TTC34: variants seen among roughly 807,000 people sequenced by gnomAD.
TTC34 encodes the protein tetratricopeptide repeat domain 34.
Under a neutral mutation model 40.7 loss-of-function variants are expected in TTC34, and 44 were observed. The observed-to-expected ratio is 1.08, with a 90% CI of 0.85 to 1.39. The LOEUF (loss-of-function observed/expected upper bound fraction) is 1.39. TTC34 is among the 40% of genes most tolerant of loss of function. The pLI is 0.00. For synonymous variants in TTC34, 422 were observed against 398.6 expected (o/e 1.06, Z -0.70); for missense variants, 884 against 838.0 (o/e 1.05, Z -0.68).
chr1:2,753,109 C>CTGA (rs2100437514), intron 6 of TTC34, among the ~76,000 whole-genome samples: 122 of 108,332 alleles, frequency 1.1e-3, no homozygotes, highest in African/African-American at 2.5e-3. Flanking sequence ...AGGCGAGCAT[C>CTGA]CGACAGCCTG....
At chr1:2,686,000 C>T (rs1224468155) in intron 6 of TTC34, among the ~76,000 whole-genome samples, 3 of 120,118 alleles carry the variant, frequency 2.5e-5, no homozygotes, top group South Asian at 2.6e-4. Flanking sequence ...GCACCCACAC[C>T]CCCAGGTGAG....
rs1553171534 is a variant in TTC34, at chr1:2,792,033, T to TTTTTTTTTTTTTTTTA, written c.785-1688_785-1687insTAAAAAAAAAAAAAAA. On this transcript the variant is annotated intron_variant, in intron 2 of 8. Transcript: ENST00000401095. ...TTTTTTTTTTTTTTTTTTTTTTTTT[T>TTTTTTTTTTTTTTTTA]AAAGACAGGGTCTTGCTCCATCACC... 9.2e-4 allele frequency among the ~76,000 whole-genome samples: 99 copies of TTTTTTTTTTTTTTTTA among 107,160 alleles called. 13 individuals carry two copies. The highest frequency in any genetic ancestry group is 4.3e-3 in the East Asian group (15 of 3,478). 70.3% of individuals were successfully genotyped at this position (107,160 alleles called of 152,430 possible).
chr1:2,699,444 C>T (rs543373563), intron 6 of TTC34, among the ~76,000 whole-genome samples: 1 of 93,674 alleles, frequency 1.1e-5, no homozygotes, highest in Admixed American at 1.2e-4. Context: ...CCTGGAACAT[C>T]ACCCCGCACC....
At chr1:2,657,726 GGTCGGCACCCACACCCTC>G in intron 6 of TTC34, among the ~76,000 whole-genome samples, 1 of 51,502 alleles carries the variant, frequency 1.9e-5, no homozygotes, top group East Asian at 5.0e-4. Flanking sequence ...TGACAGCCTG[GGTCGGCACCCACACCCTC>G]AGGTGAGCAT....
chr1:2,672,349 AC>A (rs60817076), intron 6 of TTC34, among the ~76,000 whole-genome samples: 603 of 136,664 alleles, frequency 4.4e-3, no homozygotes, highest in Non-Finnish European at 6.8e-3. Flanking sequence ...AGCAGCACCC[AC>A]CACTCCCAGG....
intron 6 of TTC34, among the ~76,000 whole-genome samples, chr1:2,683,147 A>C (rs1444194941): frequency 7.8e-6 from 1 of 128,230 alleles, no homozygotes. Flanking sequence ...AACAGCACGC[A>C]CAGCCCCAGG....
intron 4 of TTC34, among the ~76,000 whole-genome samples, chr1:2,786,713 G>T (rs1017792936): frequency 6.6e-6 from 1 of 152,176 alleles, no homozygotes; most frequent in Non-Finnish European, 1.5e-5. Flanking sequence ...GCCCAGCACG[G>T]CCAAGTAGGA....
chr1:2,687,249 AG>A (rs1196185831), intron 6 of TTC34, among the ~76,000 whole-genome samples: 2 of 136,220 alleles, frequency 1.5e-5, no homozygotes, highest in Non-Finnish European at 3.1e-5. Flanking sequence ...CCACACCCCC[AG>A]GTGCGCATCT....
intron 6 of TTC34, among the ~76,000 whole-genome samples, chr1:2,651,760 T>G (rs1444123712): frequency 5.4e-5 from 8 of 149,460 alleles, no homozygotes; most frequent in Admixed American, 5.3e-4. Context: ...AACAGCACCC[T>G]CCACCCTCAG....
At chr1:2,801,490 G>T in intron 1 of TTC34, 87 bp downstream of exon 1, 1 of 152,660 alleles carries the variant, frequency 6.6e-6, no homozygotes, top group Non-Finnish European at 1.5e-5. Flanking sequence ...TACTTGACCT[G>T]ACGAACTAGC....
intron 6 of TTC34, among the ~76,000 whole-genome samples, chr1:2,684,979 C>A (rs1406265008): frequency 1.4e-5 from 2 of 143,436 alleles, no homozygotes; most frequent in East Asian, 2.0e-4. Context: ...CATCTGACAG[C>A]TTAGAACAGC....
intron 8 of TTC34, 140 bp downstream of exon 8, chr1:2,644,123 CT>C (rs1638969507): frequency 2.2e-6 from 2 of 889,592 alleles, no homozygotes; most frequent in Non-Finnish European, 3.4e-6. Flanking sequence ...AAGTGGGTGC[CT>C]CCCACCCCAC....
intron 2 of TTC34, among the ~76,000 whole-genome samples, chr1:2,792,844 A>T (rs1295310503): frequency 6.6e-6 from 1 of 152,218 alleles, no homozygotes. Flanking sequence ...TCTGCTGAAC[A>T]ATGACTCATA....
At chr1:2,683,795 C>G (rs1463133988) in intron 6 of TTC34, among the ~76,000 whole-genome samples, 1 of 151,272 alleles carries the variant, frequency 6.6e-6, no homozygotes, top group Admixed American at 6.6e-5. Context: ...CACGCACACC[C>G]CCAGTTGAGC....
At chr1:2,761,351 G>C (rs1459610487) in intron 6 of TTC34, among the ~76,000 whole-genome samples, 1 of 40,838 alleles carries the variant, frequency 2.4e-5, no homozygotes, top group Non-Finnish European at 4.1e-5. Flanking sequence ...ACAGCCTGGA[G>C]CAGCACCCAC....
At chr1:2,652,349 T>A (rs1245595572) in intron 6 of TTC34, among the ~76,000 whole-genome samples, 42 of 150,554 alleles carry the variant, frequency 2.8e-4, no homozygotes, top group South Asian at 4.2e-4. Context: ...TCTGATATCC[T>A]GGAACAGCAC....
Position 2,791,971 on chromosome 1 carries a change from A to G in TTC34, c.785-1625T>C, listed in dbSNP as rs1340862053. Among the ~76,000 whole-genome samples, 10 of 125,404 alleles carry G rather than the reference A, an allele frequency of 8.0e-5. No individual in the cohort carries two copies. In the Admixed American group the frequency reaches 8.1e-4, roughly 10 times the overall value. 82.3% of individuals were successfully genotyped at this position (125,404 alleles called of 152,430 possible). A position where few individuals can be genotyped will look rare whatever the true frequency, so the allele number is the denominator to read the frequency against. On this transcript the variant is annotated intron_variant, in intron 2 of 8. Coordinates refer to ENST00000401095, the Ensembl canonical transcript of TTC34. ...TACTGTCGCTAATATTTTCATTTCA[A>G]TTATTGCACTGTTCAACTCTAGACT...
Position 2,783,761 on chromosome 1 carries a change from C to A in TTC34, c.2074G>T (p.Glu692Ter). 6.6e-7 allele frequency: 1 copy of A among 1,515,032 alleles called. No individual in the cohort carries two copies. Among genetic ancestry groups the A allele is most frequent in the South Asian group, 1.3e-5 (1 of 78,614 alleles). The allele number at this position is 1,515,032 out of a possible 1,614,324, so 93.8% of individuals were successfully genotyped here. A position where few individuals can be genotyped will look rare whatever the true frequency, so the allele number is the denominator to read the frequency against. Residue 692 changes from glutamate to a stop codon, truncating the protein, a stop_gained, in exon 6 of 9, where the codon GAG (glutamate) becomes TAG (stop). Coordinates refer to ENST00000401095, the Ensembl canonical transcript of TTC34. LOFTEE classifies it high-confidence loss of function. Reference sequence around the variant, plus strand: ...CAGCGGGCTCGGGCAAGGAGGGACTCACTTGCCTGGCTTCCTGCAGGAAGA... The same window carrying A: ...CAGCGGGCTCGGGCAAGGAGGGACTAACTTGCCTGGCTTCCTGCAGGAAGA...
intron 7 of TTC34, among the ~76,000 whole-genome samples, chr1:2,644,955 C>T (rs1638988921): frequency 6.6e-6 from 1 of 152,186 alleles, no homozygotes; most frequent in African/African-American, 2.4e-5. Flanking sequence ...TGGAACAGGG[C>T]CTGCCATCCC....
Sources: allele counts gnomAD v4.1 joint callset (sites outside exome capture counted in the v4.1 genomes callset), GRCh38; gene constraint gnomAD v4.1.1; transcripts MANE v1.5; gene names NCBI Gene and HGNC (gene_info 2026-07-23, HGNC 2026-07-21).